SFI1: variants seen among roughly 807,000 people sequenced by gnomAD.
SFI1 encodes SFI1 centrin binding protein.
In SFI1, 195 loss-of-function variants were observed where a neutral mutation model predicts 207.5. That is an observed-to-expected ratio of 0.94 (90% CI 0.84 to 1.06). SFI1 has a LOEUF of 1.06. Among genes scored for constraint, SFI1 ranks in the 50% least tolerant of loss-of-function variants. The pLI is 0.00. For missense variants in SFI1, 1,634 were observed against 1,588.0 expected (o/e 1.03, Z -0.49); for synonymous variants, 630 against 598.9 (o/e 1.05, Z -0.76).
intron 23 of SFI1, 146 bp downstream of exon 23, chr22:31,611,449 C>A: frequency 9.2e-7 from 1 of 1,084,628 alleles, no homozygotes; most frequent in Non-Finnish European, 1.3e-6. Context: ...TCCTGTAAGA[C>A]AAAGCTGCAG....
chr22:31,564,989 T>A (rs975446887), intron 8 of SFI1, among the ~76,000 whole-genome samples: 1 of 150,896 alleles, frequency 6.6e-6, no homozygotes, highest in Non-Finnish European at 1.5e-5. Context: ...AATTTTTTTT[T>A]TTTTTTGTAT....
chr22:31,555,994 T>G (rs945472864), intron 6 of SFI1, among the ~76,000 whole-genome samples: 2 of 152,202 alleles, frequency 1.3e-5, no homozygotes, highest in Non-Finnish European at 2.9e-5. Flanking sequence ...AGAAATTTGC[T>G]TATAAGTGGT....
chr22:31,589,426 T>C lies in SFI1; in HGVS notation c.1414-21T>C, dbSNP rs778874386. ...AAAAAAAAAAAGTTAAGTACAAAGG[T>C]TATTCATTCTTTTACTTTAGCTGCT... On this transcript the variant is annotated intron_variant, in intron 14 of 32. Transcript: ENST00000400288. 1.9e-6 allele frequency: 3 copies of C among 1,564,482 alleles called. No individual in the cohort carries two copies. The Admixed American group carries it at 6.3e-5, about 33-fold the overall frequency.
At chr22:31,529,170 C>G (rs1052279099) in intron 3 of SFI1, 4 of 268,268 alleles carry the variant, frequency 1.5e-5, no homozygotes, top group Non-Finnish European at 2.8e-5. Context: ...TTTTTCCCCC[C>G]AGATTTTCTG....
At chr22:31,546,628 CTTTTT>C in intron 4 of SFI1, among the ~76,000 whole-genome samples, 1 of 120,200 alleles carries the variant, frequency 8.3e-6, no homozygotes, top group African/African-American at 3.1e-5. Flanking sequence ...CCGATGTTTA[CTTTTT>C]TTTTTTTTTT....
At chr22:31,583,758 G>A (rs1469486567) in intron 12 of SFI1, 117 bp from the exon 13 acceptor site, 8 of 836,206 alleles carry the variant, frequency 9.6e-6, no homozygotes, top group Non-Finnish European at 1.4e-5. Context: ...CTGTATGTTG[G>A]CTGCTCCTAA....
chr22:31,555,229 T>C (rs527340477), intron 6 of SFI1, among the ~76,000 whole-genome samples: 453 of 152,274 alleles, frequency 3.0e-3, no homozygotes, highest in Non-Finnish European at 4.5e-3. Flanking sequence ...GGCTCACGCC[T>C]ATAATCCCAG....
In SFI1 at chr22:31,589,489, C is replaced by G. The variant is rs748180081; in HGVS notation, c.1456C>G (p.Leu486Val). The change falls in exon 15 of 33, where the codon CTG becomes GTG. Residue 486 changes from leucine to valine, a missense_variant. Coordinates refer to ENST00000400288, the MANE Select transcript of SFI1 (RefSeq NM_001007467.3). ...RADGHFQQRA[L>V]PAAFHTWNRL... is the part of the protein sequence containing the mutation. ...GGATGGTCATTTCCAGCAGAGAGCC[C>G]TGCCTGCTGCCTTCCACACATGGAA... 15 of 1,613,876 alleles carry G rather than the reference C, an allele frequency of 9.3e-6. No individual in the cohort carries two copies. The highest frequency in any genetic ancestry group is 2.2e-5 in the South Asian group (2 of 91,034).
At chr22:31,545,361 G>A (rs571581930) in intron 4 of SFI1, among the ~76,000 whole-genome samples, 40 of 148,214 alleles carry the variant, frequency 2.7e-4, no homozygotes, top group Non-Finnish European at 4.0e-4. Flanking sequence ...GCAAAACTCC[G>A]TCTCAAAAAA....
At chr22:31,505,367 A>C (rs929748793) in intron 1 of SFI1, among the ~76,000 whole-genome samples, 8 of 152,056 alleles carry the variant, frequency 5.3e-5, no homozygotes, top group Non-Finnish European at 5.9e-5. Context: ...TGAACCCGGG[A>C]AGTGGAGGTT....
chr22:31,503,650 C>T (rs1344360930), intron 1 of SFI1, among the ~76,000 whole-genome samples: 7 of 137,298 alleles, frequency 5.1e-5, no homozygotes, highest in South Asian at 2.3e-4. Context: ...TACAGTGGTG[C>T]GATCTTGGCT....
chr22:31,530,686 G>A (rs886303966), intron 3 of SFI1: 11 of 466,370 alleles, frequency 2.4e-5, no homozygotes, highest in African/African-American at 1.6e-4. Context: ...ACAGAGTGCT[G>A]AGAGTACACA....
At chr22:31,601,377 C>A (rs1005430178) in intron 15 of SFI1, among the ~76,000 whole-genome samples, 1 of 152,176 alleles carries the variant, frequency 6.6e-6, no homozygotes, top group Non-Finnish European at 1.5e-5. Context: ...CCCACCTCGG[C>A]CTCCCAAAGT....
intron 2 of SFI1, among the ~76,000 whole-genome samples, chr22:31,513,106 A>C (rs1457214602): frequency 6.6e-6 from 1 of 152,122 alleles, no homozygotes; most frequent in African/African-American, 2.4e-5. Flanking sequence ...TTTTTAATAC[A>C]ATGTAAAATG....
chr22:31,572,945 G>A (rs1391734539), intron 8 of SFI1, 113 bp from the exon 9 acceptor site: 1 of 1,106,958 alleles, frequency 9.0e-7, no homozygotes, highest in African/African-American at 1.6e-5. Context: ...CCACTTCCTT[G>A]TTTCTAATTT....
chr22:31,576,256 T>G, intron 10 of SFI1, among the ~76,000 whole-genome samples: 1 of 147,748 alleles, frequency 6.8e-6, no homozygotes, highest in East Asian at 2.0e-4. Context: ...AACTCTTGAC[T>G]TCAGGTGATC....
chr22:31,589,409 AAAGTT>A (rs1168958432), intron 14 of SFI1, 33 bp from the exon 15 acceptor site: 3 of 1,493,286 alleles, frequency 2.0e-6, no homozygotes, highest in Non-Finnish European at 2.7e-6. Context: ...TAAAAAAAAA[AAAGTT>A]AAGTACAAAG....
chr22:31,572,397 A>T (rs145496936), intron 8 of SFI1, among the ~76,000 whole-genome samples: 1 of 152,112 alleles, frequency 6.6e-6, no homozygotes, highest in Non-Finnish European at 1.5e-5. Context: ...AAAAAGGACT[A>T]CTTTACAGTA....
intron 12 of SFI1, among the ~76,000 whole-genome samples, chr22:31,581,586 C>T (rs2064186730): frequency 6.6e-6 from 1 of 152,150 alleles, no homozygotes; most frequent in African/African-American, 2.4e-5. Flanking sequence ...GCCACCATGC[C>T]CGGCCCCAAT....
Sources: allele counts gnomAD v4.1 joint callset (sites outside exome capture counted in the v4.1 genomes callset), GRCh38; gene constraint gnomAD v4.1.1; transcripts MANE v1.5; gene names NCBI Gene and HGNC (gene_info 2026-07-23, HGNC 2026-07-21).